Variants in MED13L observed in about 807,000 individuals in gnomAD.
The protein encoded by MED13L is mediator complex subunit 13L, also known as mediator of RNA polymerase II transcription subunit 13-like.
Under a neutral mutation model 220.9 loss-of-function variants are expected in MED13L, and 7 were observed. That is an observed-to-expected ratio of 0.03 (90% confidence interval 0.02 to 0.06). The LOEUF is 0.06. Ranked by LOEUF, MED13L falls within the 10% of genes least tolerant of loss-of-function variation. The pLI is 1.00. For synonymous variants in MED13L, 1,011 were observed against 1,015.2 expected, an observed-to-expected ratio of 1.00 and a Z score of 0.08; for missense variants, 1,965 against 2,760.5, an observed-to-expected ratio of 0.71 and a Z score of 6.46.
chr12:116,264,258 A>G (rs1872687000), intron 1 of MED13L, among the ~76,000 whole-genome samples: 1 of 152,200 alleles, frequency 6.6e-6, no homozygotes, highest in African/African-American at 2.4e-5. Context: ...AAAATTATAA[A>G]CAATGGCAAC....
intron 3 of MED13L, among the ~76,000 whole-genome samples, chr12:116,102,697 CTTTTTCTTTTTTCT>C (rs1555211161): frequency 9.6e-5 from 7 of 73,274 alleles, no homozygotes; most frequent in Admixed American, 6.5e-4. Context: ...TTTTCTTTTT[CTTTTTCTTTTTTCT>C]TTTTTTTTTT....
chr12:116,180,250 A>G (rs1159441596), intron 2 of MED13L, among the ~76,000 whole-genome samples: 4 of 152,190 alleles, frequency 2.6e-5, no homozygotes, highest in Non-Finnish European at 5.9e-5. Context: ...CAGGTTGAGC[A>G]TTCCAAATAC....
intron 4 of MED13L, among the ~76,000 whole-genome samples, chr12:116,047,285 T>C (rs1235185710): frequency 6.6e-6 from 1 of 151,752 alleles, no homozygotes; most frequent in Non-Finnish European, 1.5e-5. Context: ...ATCCAAAAGG[T>C]CAAGGCAACA....
At chr12:116,209,924 G>C (rs1435708738) in intron 2 of MED13L, among the ~76,000 whole-genome samples, 2 of 152,160 alleles carry the variant, frequency 1.3e-5, no homozygotes, top group Non-Finnish European at 2.9e-5. Context: ...CCAAAATTGG[G>C]CTTCCTCTTG....
intron 1 of MED13L, among the ~76,000 whole-genome samples, chr12:116,272,004 CA>C (rs754424920): frequency 1.6e-4 from 24 of 151,432 alleles, no homozygotes; most frequent in African/African-American, 3.4e-4. Flanking sequence ...TCGAATGTTT[CA>C]AAAAAAATCT....
chr12:116,096,552 A>T, intron 4 of MED13L, 117 bp downstream of exon 4: 1 of 717,628 alleles, frequency 1.4e-6, no homozygotes, highest in East Asian at 2.7e-5. Context: ...GTGATCCAGG[A>T]TCTATTTGAG....
intron 4 of MED13L, among the ~76,000 whole-genome samples, chr12:116,031,764 G>A (rs1880847463): frequency 1.7e-5 from 2 of 114,906 alleles, no homozygotes; most frequent in African/African-American, 3.0e-5. Context: ...AGAAAAGAAG[G>A]AAGGAAGGAA....
At chr12:116,243,238 TA>T (rs1388103657) in intron 1 of MED13L, among the ~76,000 whole-genome samples, 3 of 152,302 alleles carry the variant, frequency 2.0e-5, no homozygotes, top group Admixed American at 1.3e-4. Context: ...GCATGTGGTA[TA>T]GGGGTAGTCA....
chr12:116,271,499 C>T (rs1220770888), intron 1 of MED13L, among the ~76,000 whole-genome samples: 1 of 151,514 alleles, frequency 6.6e-6, no homozygotes, highest in African/African-American at 2.4e-5. Flanking sequence ...GAGGCTGAGG[C>T]AGGAGAATGG....
rs1566020701 is a variant in MED13L, at chr12:116,031,735, GAAAAGAAAAGAAAAGAAAAGAAAA to G, written c.480-9158_480-9135del. Among the ~76,000 whole-genome samples, 622 of 63,832 alleles carry G rather than the reference GAAAAGAAAAGAAAAGAAAAGAAAA, an allele frequency of 9.7e-3. 26 individuals carry two copies. Among genetic ancestry groups the G allele is most frequent in the African/African-American group, 0.04 (431 of 10,722 alleles). 41.9% of individuals were successfully genotyped at this position (63,832 alleles called of 152,430 possible). On this transcript the variant is annotated intron_variant, in intron 4 of 30. Coordinates refer to ENST00000281928, the MANE Select transcript of MED13L (RefSeq NM_015335.5). ...GAAAAGAAAAGAAAAGAAAAGAAAA[GAAAAGAAAAGAAAAGAAAAGAAAA>G]GAAGGAAGGAAGGAAGGAAGGAAGG...
intron 1 of MED13L, among the ~76,000 whole-genome samples, chr12:116,245,546 G>C (rs1871025028): frequency 6.6e-6 from 1 of 152,086 alleles, no homozygotes; most frequent in South Asian, 2.1e-4. Context: ...ATTGGGAGAA[G>C]AAAACTTTAA....
intron 4 of MED13L, among the ~76,000 whole-genome samples, chr12:116,081,222 C>T (rs1871222619): frequency 6.6e-6 from 1 of 152,214 alleles, no homozygotes; most frequent in Non-Finnish European, 1.5e-5. Flanking sequence ...CCTAACTAGT[C>T]TAATGCTCCT....
In MED13L at chr12:115,989,176, G is replaced by A. The variant is rs147062081; in HGVS notation, c.3934+1844C>T. 7.7e-4 allele frequency among the ~76,000 whole-genome samples: 118 copies of A among 152,282 alleles called. 3 individuals are homozygous for A. In the East Asian group the frequency reaches 0.02, roughly 26 times the overall value. On this transcript the variant is annotated intron_variant, in intron 17 of 30. Transcript: ENST00000281928. ...ATATAACTTTCTTCCCTGCAAGACT[G>A]AGAGTTGTTCAGAAGCCGGGTTCGC...
At chr12:116,053,705 G>A (rs1868701963) in intron 4 of MED13L, among the ~76,000 whole-genome samples, 1 of 152,124 alleles carries the variant, frequency 6.6e-6, no homozygotes, top group Non-Finnish European at 1.5e-5. Context: ...TCATACTTTA[G>A]ATCTGACTAA....
intron 4 of MED13L, among the ~76,000 whole-genome samples, chr12:116,056,799 T>C (rs1383233418): frequency 6.6e-6 from 1 of 152,222 alleles, no homozygotes; most frequent in Non-Finnish European, 1.5e-5. Flanking sequence ...TACTATCTTG[T>C]GCTCTAATTC....
intron 9 of MED13L, among the ~76,000 whole-genome samples, chr12:116,010,272 C>T (rs1879312507): frequency 1.3e-5 from 2 of 152,168 alleles, no homozygotes. Context: ...TGTCTTTAAG[C>T]TCAATGAGCA....
chr12:116,057,508 A>G (rs1218089727), intron 4 of MED13L, among the ~76,000 whole-genome samples: 1 of 151,846 alleles, frequency 6.6e-6, no homozygotes, highest in South Asian at 2.1e-4. Context: ...TTCTGTCATC[A>G]GCACTCAGGT....
chr12:116,138,963 C>T (rs763405703), intron 2 of MED13L, among the ~76,000 whole-genome samples: 2 of 152,150 alleles, frequency 1.3e-5, no homozygotes, highest in African/African-American at 4.8e-5. Context: ...GTGATTCACA[C>T]ATTTGGTTAA....
chr12:116,143,668 T>C (rs1483146187), intron 2 of MED13L, among the ~76,000 whole-genome samples: 1 of 152,224 alleles, frequency 6.6e-6, no homozygotes, highest in Admixed American at 6.5e-5. Flanking sequence ...TAAATGACTT[T>C]TGTGGCCTAA....
Sources: gnomAD v4.1 joint callset for allele counts (sites outside exome capture counted in the v4.1 genomes callset) on GRCh38, gnomAD v4.1.1 for gene constraint, MANE v1.5 for transcripts, NCBI Gene and HGNC (gene_info 2026-07-23, HGNC 2026-07-21) for gene names.